FKBP9: variants seen among roughly 807,000 people sequenced by gnomAD.
The protein encoded by FKBP9 is FKBP prolyl isomerase 9, also known as peptidyl-prolyl cis-trans isomerase FKBP9.
A neutral mutation model predicts 55.6 loss-of-function variants in FKBP9; 27 were observed. The observed-to-expected ratio is 0.49, with a 90% confidence interval of 0.36 to 0.67. FKBP9 has a LOEUF of 0.67. Ranked by LOEUF, FKBP9 falls within the 30% of genes least tolerant of loss-of-function variation. The pLI, the probability that FKBP9 is intolerant of heterozygous loss-of-function variation, is 0.00. For synonymous variants in FKBP9, 267 were observed against 296.5 expected (o/e 0.90, Z 1.02); for missense variants, 539 against 742.8 (o/e 0.73, Z 3.19).
At chr7:32,993,401 C>A (rs1359503965) in intron 6 of FKBP9, among the ~76,000 whole-genome samples, 1 of 152,218 alleles carries the variant, frequency 6.6e-6, no homozygotes, top group Non-Finnish European at 1.5e-5. Flanking sequence ...AACCACCTTT[C>A]TTTCTGTCTC....
chr7:32,968,404 A>C lies in FKBP9; in HGVS notation c.222-6213A>C, dbSNP rs553726238. Among the ~76,000 whole-genome samples, 151 of 152,018 alleles carry C rather than the reference A, an allele frequency of 9.9e-4. 3 individuals are homozygous for C. Among genetic ancestry groups the C allele is most frequent in the Non-Finnish European group, 3.2e-4 (22 of 68,000 alleles). ...TACTTCTATTTTTAATTTTTTGAGG[A>C]GCCTACAGACCATTTTCTAGAGCAA... On this transcript the variant is annotated intron_variant, in intron 1 of 9. Transcript: ENST00000242209.
chr7:32,964,723 T>A (rs1253670406), intron 1 of FKBP9, among the ~76,000 whole-genome samples: 1 of 152,236 alleles, frequency 6.6e-6, no homozygotes, highest in East Asian at 1.9e-4. Context: ...CTGGTAGAGA[T>A]GGCTGTTTGA....
At chr7:32,984,087 A>G (rs1784532111) in intron 5 of FKBP9, among the ~76,000 whole-genome samples, 1 of 152,090 alleles carries the variant, frequency 6.6e-6, no homozygotes, top group Non-Finnish European at 1.5e-5. Flanking sequence ...CTTCCTCATT[A>G]TGGTTCCTGT....
intron 1 of FKBP9, among the ~76,000 whole-genome samples, chr7:32,962,572 C>T (rs1396361060): frequency 6.6e-6 from 1 of 151,798 alleles, no homozygotes; most frequent in Admixed American, 6.6e-5. Context: ...TTCCTGGGTT[C>T]AAGCAATTCT....
intron 6 of FKBP9, chr7:32,993,130 A>G (rs972225936): frequency 1.3e-5 from 3 of 232,512 alleles, no homozygotes; most frequent in African/African-American, 6.6e-5. Flanking sequence ...ACCTGAATGC[A>G]TCTTGGAGGG....
chr7:32,996,611 TTCC>T (rs1784793708), intron 7 of FKBP9, among the ~76,000 whole-genome samples: 1 of 61,680 alleles, frequency 1.6e-5, no homozygotes, highest in Non-Finnish European at 4.9e-5. Flanking sequence ...CTATCTTTCC[TTCC>T]TTCCTTCCTT....
chr7:33,000,774 G>A (rs569463401), intron 8 of FKBP9, among the ~76,000 whole-genome samples: 1 of 133,488 alleles, frequency 7.5e-6, no homozygotes, highest in East Asian at 2.0e-4. Flanking sequence ...CTCCACGTGG[G>A]GATTCAATAA....
At chr7:32,973,606 T>TGTGTGTGTG (rs1583847771) in intron 1 of FKBP9, among the ~76,000 whole-genome samples, 9 of 146,756 alleles carry the variant, frequency 6.1e-5, no homozygotes, top group African/African-American at 2.0e-4. Flanking sequence ...TGTGTGTGTG[T>TGTGTGTGTG]TAACTTTGGC....
chr7:32,965,826 T>TATATATGTGTGTACAC (rs1554284316), intron 1 of FKBP9, among the ~76,000 whole-genome samples: 5 of 33,318 alleles, frequency 1.5e-4, no homozygotes, highest in Middle Eastern at 0.022. Flanking sequence ...TATATATATA[T>TATATATGTGTGTACAC]ATATATATAT....
Position 32,974,733 on chromosome 7 carries a change from C to A in FKBP9, c.338C>A (p.Pro113Gln). Residue 113 changes from proline (P) to glutamine (Q), a missense_variant, in exon 2 of 10, where the codon CCA becomes CAA. Physicochemically the swap from Pro to Gln is moderately conservative, Grantham distance 76 (BLOSUM62 -1). Around this residue, in one of 4 missense-constraint regions of FKBP9, gnomAD observed 236 missense variants for 271.5 expected, o/e 0.87. Transcript: ENST00000242209. ...GAGAGACGTTTCGTGAAGATTCCCC[C>A]AAAGCTTGCCTACGGAAATGAAGGA... ...VNERRFVKIP[P>Q]KLAYGNEGVS... The A allele has an allele frequency of 6.2e-7, 1 of 1,613,822 alleles. No homozygotes were observed. The highest frequency in any genetic ancestry group is 8.5e-7 in the Non-Finnish European group (1 of 1,179,818).
In FKBP9 at chr7:32,957,521, C is replaced by G. The variant is rs1783922533; in HGVS notation, c.-53C>G. The G allele has an allele frequency of 7.6e-7, 1 of 1,308,764 alleles. No homozygotes were observed. Among genetic ancestry groups the G allele is most frequent in the African/African-American group, 1.6e-5 (1 of 64,042 alleles). The allele number at this position is 1,308,764 out of a possible 1,614,324, so 81.1% of individuals were successfully genotyped here. A position where few individuals can be genotyped will look rare whatever the true frequency, so the allele number is the denominator to read the frequency against. On this transcript the variant is annotated 5_prime_UTR_variant, in exon 1 of 10. Transcript: ENST00000242209. ...AAACGCAGCCGAACGCCCAGGCCGACCCGTGCCGCCCGAGCGCCGCGCTGC... is the reference window on the plus strand; with the variant it reads ...AAACGCAGCCGAACGCCCAGGCCGAGCCGTGCCGCCCGAGCGCCGCGCTGC...
chr7:32,983,168 C>T (rs948902492), intron 5 of FKBP9, among the ~76,000 whole-genome samples: 2 of 152,006 alleles, frequency 1.3e-5, no homozygotes, highest in African/African-American at 4.8e-5. Flanking sequence ...GGATTACAGG[C>T]ATGAGCCACC....
chr7:33,000,938 G>C (rs560246360), intron 8 of FKBP9, among the ~76,000 whole-genome samples: 1 of 151,930 alleles, frequency 6.6e-6, no homozygotes, highest in Non-Finnish European at 1.5e-5. Context: ...GCACCACCTC[G>C]CCTGGCTAAT....
chr7:32,986,741 G>C lies in FKBP9; in HGVS notation c.894-1766G>C, dbSNP rs535055382. 2.6e-5 allele frequency among the ~76,000 whole-genome samples: 4 copies of C among 152,350 alleles called. No homozygotes were observed. The South Asian group carries it at 8.3e-4, about 32-fold the overall frequency. On this transcript the variant is annotated intron_variant, in intron 5 of 9. Transcript: ENST00000242209. Reference sequence around the variant, plus strand: ...AGGGAGAACCCCCACAGCTCTGCCTGTGTATCGGCCTGGCCCTGCTCGGCA... The same window carrying C: ...AGGGAGAACCCCCACAGCTCTGCCTCTGTATCGGCCTGGCCCTGCTCGGCA...
In FKBP9 at chr7:32,976,450, G is replaced by A. The variant is rs1414517808; in HGVS notation, c.654G>A (p.Lys218=). The part of the protein sequence containing the change: ...KGLLGMCVGE[K]RIITIPPFLA... ...TGCTGGGGATGTGTGTGGGTGAGAA[G>A]CGCATCATCACCATTCCTCCTTTTC... Residue 218 remains lysine (K), a synonymous_variant, in exon 4 of 10, where the codon AAG becomes AAA. Coordinates refer to ENST00000242209, the MANE Select transcript of FKBP9 (RefSeq NM_007270.5). 1.2e-6 allele frequency: 2 copies of A among 1,613,738 alleles called. No individual in the cohort carries two copies. The highest frequency in any genetic ancestry group is 3.3e-5 in the Admixed American group (2 of 59,992).
intron 4 of FKBP9, among the ~76,000 whole-genome samples, chr7:32,977,832 C>CATATAT (rs1467823088): frequency 7.3e-6 from 1 of 136,870 alleles, no homozygotes; most frequent in African/African-American, 2.7e-5. Flanking sequence ...TATACACGCC[C>CATATAT]ATATATATAT....
chr7:32,977,949 T>C (rs1784398876), intron 4 of FKBP9, among the ~76,000 whole-genome samples: 1 of 143,972 alleles, frequency 6.9e-6, no homozygotes. Flanking sequence ...TGAGACAGAG[T>C]CTCACTCTGT....
chr7:32,966,396 G>A (rs930480670), intron 1 of FKBP9, among the ~76,000 whole-genome samples: 5 of 152,130 alleles, frequency 3.3e-5, no homozygotes, highest in Admixed American at 1.3e-4. Flanking sequence ...GGGCAGTGAT[G>A]GAAGGGGATA....
At chr7:32,987,173 A>G (rs1385679621) in intron 5 of FKBP9, among the ~76,000 whole-genome samples, 1 of 151,860 alleles carries the variant, frequency 6.6e-6, no homozygotes, top group Non-Finnish European at 1.5e-5. Context: ...CATTACTCTC[A>G]GTGTGTATGC....
Sources: gnomAD v4.1 joint callset for allele counts (sites outside exome capture counted in the v4.1 genomes callset) on GRCh38, gnomAD v4.1.1 for gene constraint, gnomAD v4.1.1 regional missense constraint, MANE v1.5 for transcripts, NCBI Gene and HGNC (gene_info 2026-07-23, HGNC 2026-07-21) for gene names.